ZNF516: variants seen among roughly 807,000 people sequenced by gnomAD.
ZNF516 encodes zinc finger protein 516.
Under a neutral mutation model 79.7 loss-of-function variants are expected in ZNF516, and 19 were observed. That is an observed-to-expected ratio of 0.24 (90% CI 0.17 to 0.35). ZNF516 has a LOEUF of 0.35. ZNF516 is among the 10% of genes least tolerant of loss of function. The pLI is 1.00. For missense variants in ZNF516, 1,678 were observed against 1,679.5 expected (o/e 1.00, Z 0.02); for synonymous variants, 877 against 739.5 (o/e 1.19, Z -3.02).
intron 3 of ZNF516, among the ~76,000 whole-genome samples, chr18:76,405,297 T>C (rs765320114): frequency 2.6e-5 from 4 of 152,090 alleles, no homozygotes; most frequent in Non-Finnish European, 5.9e-5. Context: ...GGTGCAATCA[T>C]AGCTCACTGC....
intron 3 of ZNF516, among the ~76,000 whole-genome samples, chr18:76,439,325 G>A (rs895672583): frequency 6.6e-6 from 1 of 152,146 alleles, no homozygotes; most frequent in Non-Finnish European, 1.5e-5. Context: ...TTGGGATTAC[G>A]GAAAGTGACC....
In ZNF516 at chr18:76,451,688, T is replaced by G. The variant is rs1912424682; in HGVS notation, c.-157-8477A>C. On this transcript the variant is annotated intron_variant, in intron 2 of 6. Transcript: ENST00000443185. This position sits in a 1 kb window ranked among gnomAD's most constrained non-coding sequence, Gnocchi z 6.0. ...GCCCAGTTGGTGTTTGAGTATACTG[T>G]GTGTGTTTGTTCTCCGGGAAACAAT... 6.6e-6 allele frequency among the ~76,000 whole-genome samples: 1 copy of G among 152,138 alleles called. No individual in the cohort carries two copies. The highest frequency in any genetic ancestry group is 2.1e-4 in the South Asian group (1 of 4,832).
In ZNF516 at chr18:76,461,107, G is replaced by A. The variant is rs189899503; in HGVS notation, c.-158+1921C>T. Among the ~76,000 whole-genome samples the A allele has an allele frequency of 5.9e-3, 904 of 152,286 alleles. 6 individuals carry two copies. Among genetic ancestry groups the A allele is most frequent in the Admixed American group, 9.2e-3 (141 of 15,298 alleles). On this transcript the variant is annotated intron_variant, in intron 2 of 6. Transcript: ENST00000443185. The stretch of plus-strand genomic sequence containing the variant: ...TGAGGCAGGACAATCGCTTGAACCC[G>A]GGAGCCGGAGGTTGCAGTGAGCTGA...
At chr18:76,399,799 C>T (rs2075194071) in intron 3 of ZNF516, among the ~76,000 whole-genome samples, 1 of 152,132 alleles carries the variant, frequency 6.6e-6, no homozygotes, top group Non-Finnish European at 1.5e-5. Flanking sequence ...CATTCAATAC[C>T]GGTCCCAGGT....
intron 1 of ZNF516, among the ~76,000 whole-genome samples, chr18:76,480,038 C>T (rs1252568361): frequency 1.3e-5 from 2 of 151,932 alleles, no homozygotes; most frequent in Non-Finnish European, 2.9e-5. Flanking sequence ...TGGCACCAGG[C>T]GGCGGTTTGT....
At chr18:76,375,869 GGA>G (rs1225206453) in intron 4 of ZNF516, among the ~76,000 whole-genome samples, 4 of 149,618 alleles carry the variant, frequency 2.7e-5, no homozygotes. Flanking sequence ...ACCAGGTAAA[GGA>G]TGGACACAGA....
chr18:76,403,206 A>G (rs1036159772), intron 3 of ZNF516, among the ~76,000 whole-genome samples: 1 of 152,230 alleles, frequency 6.6e-6, no homozygotes, highest in African/African-American at 2.4e-5. Flanking sequence ...CTGGAAGTCC[A>G]TACAACAGTA....
chr18:76,401,273 CA>C lies in ZNF516; in HGVS notation c.1811-20971del, dbSNP rs1175422422. Among the ~76,000 whole-genome samples the C allele has an allele frequency of 2.5e-4, 35 of 139,632 alleles. No individual in the cohort carries two copies. In the East Asian group the frequency reaches 4.3e-3, roughly 17 times the overall value. 91.6% of individuals were successfully genotyped at this position (139,632 alleles called of 152,430 possible). On this transcript the variant is annotated intron_variant, in intron 3 of 6. Transcript: ENST00000443185. ...CTTTTTTTTTTTTTTTTTTGTGAAC[CA>C]AAAAAAAGAATTTCAAGCCCCAATT...
intron 3 of ZNF516, chr18:76,388,963 G>A (rs1027182592): frequency 3.3e-5 from 5 of 152,558 alleles, no homozygotes; most frequent in Non-Finnish European, 5.9e-5. Flanking sequence ...ATACATGGAA[G>A]AGGAGCAAAT....
intron 2 of ZNF516, among the ~76,000 whole-genome samples, chr18:76,444,876 A>C (rs1221292187): frequency 6.6e-6 from 1 of 152,274 alleles, no homozygotes; most frequent in East Asian, 1.9e-4. Flanking sequence ...ATACAGCGCC[A>C]GGTAGAAACC....
chr18:76,496,163 CGG>C (rs1491230034), upstream of ZNF516: 6 of 709,650 alleles, frequency 8.5e-6, no homozygotes, highest in Non-Finnish European at 3.5e-6. Context: ...GGCGGGCGCG[CGG>C]GGGCGGGGGA....
intron 3 of ZNF516, among the ~76,000 whole-genome samples, chr18:76,389,612 A>G (rs2075042712): frequency 6.6e-6 from 1 of 152,182 alleles, no homozygotes; most frequent in Non-Finnish European, 1.5e-5. Flanking sequence ...AGACAGGAGT[A>G]ATTCATTTCT....
rs1236293801 is a variant in ZNF516 at position 76,480,518 on chromosome 18, C to T, written c.-272+14626G>A. Among the ~76,000 whole-genome samples, 224 of 71,018 alleles carry T rather than the reference C, an allele frequency of 3.2e-3. 1 individual carries two copies. Among genetic ancestry groups the T allele is most frequent in the African/African-American group, 0.015 (160 of 10,334 alleles). The allele number at this position is 71,018 out of a possible 152,430, so 46.6% of individuals were successfully genotyped here. On this transcript the variant is annotated intron_variant, in intron 1 of 6. Coordinates refer to ENST00000443185, the MANE Select transcript of ZNF516 (RefSeq NM_014643.4). ...ATACACACACACACACACACACACA[C>T]ACACACATATATTTTTTTTTTTGAG... is the stretch of plus-strand genomic sequence containing the variant.
chr18:76,396,513 C>T (rs1599178186), intron 3 of ZNF516, among the ~76,000 whole-genome samples: 1 of 152,254 alleles, frequency 6.6e-6, no homozygotes, highest in East Asian at 1.9e-4. Context: ...TAACAAAAAA[C>T]TGGATTTGAC....
At chr18:76,390,314 G>A (rs2075052635) in intron 3 of ZNF516, among the ~76,000 whole-genome samples, 1 of 152,182 alleles carries the variant, frequency 6.6e-6, no homozygotes, top group African/African-American at 2.4e-5. Flanking sequence ...TACGAGCCAT[G>A]TATGTCTGTA....
intron 2 of ZNF516, among the ~76,000 whole-genome samples, chr18:76,447,432 C>T (rs567308540): frequency 2.6e-5 from 4 of 152,310 alleles, no homozygotes; most frequent in South Asian, 2.1e-4. Flanking sequence ...CAGTTCCAGC[C>T]GCAGACATTT....
chr18:76,364,107 C>G (rs138498221), intron 6 of ZNF516, among the ~76,000 whole-genome samples: 4 of 152,330 alleles, frequency 2.6e-5, no homozygotes, highest in Non-Finnish European at 5.9e-5. Flanking sequence ...TATTACAGGG[C>G]TCAGAAGGCT....
chr18:76,429,793 G>A (rs1275548197), intron 3 of ZNF516, among the ~76,000 whole-genome samples: 1 of 152,212 alleles, frequency 6.6e-6, no homozygotes, highest in African/African-American at 2.4e-5. Flanking sequence ...GCGCCGAGCA[G>A]TGGCTACGGA....
intron 1 of ZNF516, among the ~76,000 whole-genome samples, chr18:76,463,351 G>C (rs1020288313): frequency 6.6e-6 from 1 of 152,240 alleles, no homozygotes; most frequent in South Asian, 2.1e-4. Context: ...TCTGTGAGGG[G>C]CAGCCAGGAG....
Sources: allele counts gnomAD v4.1 joint callset (sites outside exome capture counted in the v4.1 genomes callset), GRCh38; gene constraint gnomAD v4.1.1; non-coding constraint Gnocchi (gnomAD v3.1); transcripts MANE v1.5; gene names NCBI Gene and HGNC (gene_info 2026-07-23, HGNC 2026-07-21).